Variants in ANKRD55 observed in about 807,000 individuals in gnomAD.
ANKRD55 encodes ankyrin repeat domain-containing protein 55.
ANKRD55 carries 41 observed loss-of-function variants against 60.6 expected under a neutral mutation model. The ratio of observed to expected loss-of-function variants is 0.68; its 90% CI spans 0.53 to 0.88. The LOEUF (loss-of-function observed/expected upper bound fraction) is 0.88. Among genes scored for constraint, ANKRD55 ranks in the 40% least tolerant of loss-of-function variants. The pLI is 0.00. For missense variants in ANKRD55, 732 were observed against 767.6 expected, an observed-to-expected ratio of 0.95 and a Z score of 0.55; for synonymous variants, 264 against 290.3, an observed-to-expected ratio of 0.91 and a Z score of 0.92.
At chr5:56,158,073 T>A (rs1402184117) in intron 6 of ANKRD55, among the ~76,000 whole-genome samples, 1 of 152,088 alleles carries the variant, frequency 6.6e-6, no homozygotes, top group Admixed American at 6.5e-5. Flanking sequence ...CCCAGCTACT[T>A]GGGAGGCTGA....
At chr5:56,141,857 T>C (rs996273605) in intron 7 of ANKRD55, among the ~76,000 whole-genome samples, 1 of 152,210 alleles carries the variant, frequency 6.6e-6, no homozygotes, top group African/African-American at 2.4e-5. Context: ...CATATCACTA[T>C]CATATGCATG....
intron 5 of ANKRD55, among the ~76,000 whole-genome samples, chr5:56,161,241 G>A (rs1056936230): frequency 1.3e-5 from 2 of 151,962 alleles, no homozygotes; most frequent in African/African-American, 4.8e-5. Context: ...TTTAAAAAAA[G>A]CTATTCAGGA....
chr5:56,171,098 A>T (rs1438990334), intron 4 of ANKRD55, among the ~76,000 whole-genome samples: 3 of 152,134 alleles, frequency 2.0e-5, no homozygotes, highest in Non-Finnish European at 2.9e-5. Flanking sequence ...TATTACATGT[A>T]TAAGCTCAGA....
At chr5:56,224,231 A>G (rs1458797776) in intron 2 of ANKRD55, among the ~76,000 whole-genome samples, 1 of 151,612 alleles carries the variant, frequency 6.6e-6, no homozygotes, top group African/African-American at 2.4e-5. Context: ...CTGCTCCTGA[A>G]TGACTACTGG....
At chr5:56,148,057 T>C (rs1017965506) in intron 6 of ANKRD55, among the ~76,000 whole-genome samples, 2 of 152,218 alleles carry the variant, frequency 1.3e-5, no homozygotes, top group African/African-American at 4.8e-5. Context: ...TGCTGTGGCA[T>C]ATTCAGCATG....
Position 56,114,045 on chromosome 5 carries a change from T to G in ANKRD55, c.966-2263A>C, listed in dbSNP as rs986389360. On this transcript the variant is annotated intron_variant, in intron 9 of 11. Transcript: ENST00000341048. Reference sequence around the variant, plus strand: ...TAAAAATATATTAAAATGAATAAAGTGGGCCAGGCGTGGTGGCTCACGCCT... The same window carrying G: ...TAAAAATATATTAAAATGAATAAAGGGGGCCAGGCGTGGTGGCTCACGCCT... 5.1e-4 allele frequency among the ~76,000 whole-genome samples: 76 copies of G among 148,242 alleles called. 1 individual carries two copies. The highest frequency in any genetic ancestry group is 1.7e-3 in the African/African-American group (69 of 40,672).
At chr5:56,163,377 T>C (rs1398495705) in intron 5 of ANKRD55, among the ~76,000 whole-genome samples, 1 of 152,188 alleles carries the variant, frequency 6.6e-6, no homozygotes, top group Non-Finnish European at 1.5e-5. Context: ...TGTCAATTCC[T>C]AGATGATTTG....
At chr5:56,145,743 A>T (rs1160958749) in intron 6 of ANKRD55, among the ~76,000 whole-genome samples, 2 of 152,212 alleles carry the variant, frequency 1.3e-5, no homozygotes, top group Non-Finnish European at 2.9e-5. Flanking sequence ...CCCTTCAACC[A>T]GTTCCATATT....
At chr5:56,173,870 T>C (rs1758679022) in intron 4 of ANKRD55, among the ~76,000 whole-genome samples, 2 of 152,068 alleles carry the variant, frequency 1.3e-5, no homozygotes, top group Non-Finnish European at 2.9e-5. Flanking sequence ...TTTATTTGAG[T>C]TTGACACATC....
At position 56,111,583 on chromosome 5, in the gene ANKRD55, C is replaced by G. The variant is rs1366637605; in HGVS notation, c.1165G>C (p.Val389Leu). Residue 389 changes from valine to leucine, a missense_variant, in exon 10 of 12, where the codon GTG becomes CTG. Transcript: ENST00000341048. ...GGCTGTTCTTGGCAGTTGGTACCCACGATGCTATCAAAGGTGGTGATGATG... is the reference window on the plus strand; with the variant it reads ...GGCTGTTCTTGGCAGTTGGTACCCAGGATGCTATCAAAGGTGGTGATGATG... ...NDIITTFDSI[V>L]GTNCQEQPGD... 6.2e-7 allele frequency: 1 copy of G among 1,606,832 alleles called. No individual in the cohort carries two copies. The highest frequency in any genetic ancestry group is 8.5e-7 in the Non-Finnish European group (1 of 1,176,946).
intron 2 of ANKRD55, among the ~76,000 whole-genome samples, chr5:56,222,806 A>T (rs1170201098): frequency 6.6e-6 from 1 of 152,176 alleles, no homozygotes; most frequent in Non-Finnish European, 1.5e-5. Context: ...TTAGAGAAAA[A>T]AGAGTAAAAA....
chr5:56,232,323 C>T (rs1184166318), intron 2 of ANKRD55, among the ~76,000 whole-genome samples: 2 of 152,040 alleles, frequency 1.3e-5, no homozygotes. Context: ...AGGGATATGT[C>T]ATTACACAAC....
At chr5:56,101,447 GA>G (rs1326309612) in intron 11 of ANKRD55, among the ~76,000 whole-genome samples, 3 of 151,786 alleles carry the variant, frequency 2.0e-5, no homozygotes, top group African/African-American at 4.8e-5. Context: ...GCAATTGGAA[GA>G]AAAAAAGAAA....
chr5:56,108,589 T>A (rs570966206), intron 10 of ANKRD55, among the ~76,000 whole-genome samples: 1 of 152,190 alleles, frequency 6.6e-6, no homozygotes, highest in Non-Finnish European at 1.5e-5. Flanking sequence ...CCTAAATATG[T>A]ATACAAATAT....
chr5:56,132,203 C>T (rs1757438754), intron 7 of ANKRD55, among the ~76,000 whole-genome samples: 2 of 151,758 alleles, frequency 1.3e-5, no homozygotes, highest in South Asian at 2.1e-4. Flanking sequence ...ACTTGGTATA[C>T]TCTAGGGCAA....
chr5:56,113,779 G>T (rs1248046089), intron 9 of ANKRD55, among the ~76,000 whole-genome samples: 1 of 151,886 alleles, frequency 6.6e-6, no homozygotes, highest in East Asian at 1.9e-4. Flanking sequence ...CCTCCCAAGT[G>T]TCTGGGATTA....
At chr5:56,131,341 T>C (rs1190654477) in intron 7 of ANKRD55, among the ~76,000 whole-genome samples, 3 of 152,110 alleles carry the variant, frequency 2.0e-5, no homozygotes, top group Non-Finnish European at 2.9e-5. Flanking sequence ...AAGAAGAGAC[T>C]GGAGTGAAAT....
intron 2 of ANKRD55, among the ~76,000 whole-genome samples, chr5:56,227,442 C>T (rs916935371): frequency 1.3e-5 from 2 of 151,914 alleles, no homozygotes. Flanking sequence ...ACATATGTAA[C>T]AAACCTACAC....
intron 5 of ANKRD55, chr5:56,160,805 C>T (rs1374983891): frequency 2.0e-5 from 3 of 152,256 alleles, no homozygotes; most frequent in Non-Finnish European, 2.9e-5. Context: ...GGATCTCCTG[C>T]TCAGTTGACT....
Sources: allele counts gnomAD v4.1 joint callset (sites outside exome capture counted in the v4.1 genomes callset), GRCh38; gene constraint gnomAD v4.1.1; transcripts MANE v1.5; gene names NCBI Gene and HGNC (gene_info 2026-07-23, HGNC 2026-07-21).